The following ALDH1L1 variants were observed in gnomAD, a reference collection of about 807,000 sequenced individuals.
ALDH1L1 encodes aldehyde dehydrogenase 1 family member L1.
In ALDH1L1, 68 loss-of-function variants were observed where a neutral mutation model predicts 101.1. The ratio of observed to expected loss-of-function variants is 0.67; its 90% CI spans 0.55 to 0.82. The LOEUF (loss-of-function observed/expected upper bound fraction) is 0.82. Among genes scored for constraint, ALDH1L1 ranks in the 40% least tolerant of loss-of-function variants. ALDH1L1 has a pLI of 0.00. For missense variants in ALDH1L1, 1,087 were observed against 1,172.7 expected (o/e 0.93, Z 1.07); for synonymous variants, 486 against 470.8 (o/e 1.03, Z -0.42).
intron 2 of ALDH1L1, chr3:126,159,308 C>T (rs968006579): frequency 1.2e-5 from 5 of 403,708 alleles, no homozygotes; most frequent in Non-Finnish European, 2.0e-5. Context: ...AGCACACCCT[C>T]CTCACAGGTC....
chr3:126,135,303 G>A (rs1342135281), intron 12 of ALDH1L1: 1 of 444,664 alleles, frequency 2.2e-6, no homozygotes, highest in Non-Finnish European at 3.8e-6. Context: ...CACCTCCCCT[G>A]AGCCCACTCT....
At chr3:126,116,597 T>C (rs2108199915) in intron 17 of ALDH1L1, among the ~76,000 whole-genome samples, 1 of 152,256 alleles carries the variant, frequency 6.6e-6, no homozygotes, top group African/African-American at 2.4e-5. Context: ...AGCTAGCTTT[T>C]GAATTAGGAG....
chr3:126,108,365 C>T (rs966949544), intron 20 of ALDH1L1, among the ~76,000 whole-genome samples: 6 of 152,318 alleles, frequency 3.9e-5, no homozygotes, highest in East Asian at 1.9e-4. Flanking sequence ...CCCTCCAGGG[C>T]GGGGTGATGG....
At chr3:126,172,198 A>G (rs2081291319) in intron 1 of ALDH1L1, among the ~76,000 whole-genome samples, 1 of 152,244 alleles carries the variant, frequency 6.6e-6, no homozygotes, top group Admixed American at 6.5e-5. Flanking sequence ...AAGATATATA[A>G]AAGACAAAAA....
chr3:126,160,734 T>C, intron 2 of ALDH1L1, 119 bp downstream of exon 2: 1 of 1,463,792 alleles, frequency 6.8e-7, no homozygotes, highest in Non-Finnish European at 9.2e-7. Context: ...TATGGCTGCC[T>C]CCCAGCTAGA....
At chr3:126,162,509 C>T (rs1326858681) in intron 1 of ALDH1L1, among the ~76,000 whole-genome samples, 2 of 151,840 alleles carry the variant, frequency 1.3e-5, no homozygotes, top group East Asian at 3.9e-4. Flanking sequence ...TGTTTTTTTC[C>T]ATTGGGTGGT....
chr3:126,135,511 G>A (rs2080416906), intron 12 of ALDH1L1, 24 bp downstream of exon 12: 3 of 1,598,674 alleles, frequency 1.9e-6, no homozygotes, highest in East Asian at 2.3e-5. Context: ...GGCAGTGGCT[G>A]GCAGGTACAT....
chr3:126,159,010 C>A (rs1482432182), intron 2 of ALDH1L1, among the ~76,000 whole-genome samples: 1 of 152,192 alleles, frequency 6.6e-6, no homozygotes, highest in Non-Finnish European at 1.5e-5. Context: ...CTGCAGATGG[C>A]ATTTCTGCTT....
chr3:126,111,515 A>T (rs1168766770), intron 19 of ALDH1L1, among the ~76,000 whole-genome samples: 1 of 152,234 alleles, frequency 6.6e-6, no homozygotes, highest in African/African-American at 2.4e-5. Context: ...TGCTGCCCAC[A>T]GAAACATGAG....
Position 126,155,501 on chromosome 3 carries a change from C to T in ALDH1L1, c.531G>A (p.Val177=). 6.2e-7 allele frequency: 1 copy of T among 1,608,300 alleles called. No homozygotes were observed. Among genetic ancestry groups the T allele is most frequent in the South Asian group, 1.1e-5 (1 of 89,724 alleles). The change falls in exon 5 of 23, where the codon GTG becomes GTA. Residue 177 remains valine, a splice_region_variant and synonymous_variant. Coordinates refer to ENST00000393434, the MANE Select transcript of ALDH1L1 (RefSeq NM_012190.4). ...FLFPEGIKGM[V]QAVRLIAEGK... ...CCTCAGCGATCAGCCTCACGGCCTG[C>T]ACCTGGGGAGATCCAGTGGGTTGCT...
intron 16 of ALDH1L1, 92 bp from the exon 17 acceptor site, chr3:126,118,190 G>A (rs1239728868): frequency 3.9e-6 from 4 of 1,017,176 alleles, no homozygotes; most frequent in East Asian, 2.5e-5. Flanking sequence ...TTCACTGGGG[G>A]TCTGAGGCCC....
intron 3 of ALDH1L1, 112 bp from the exon 4 acceptor site, chr3:126,157,620 T>A: frequency 8.2e-7 from 1 of 1,215,540 alleles, no homozygotes; most frequent in Non-Finnish European, 1.2e-6. Flanking sequence ...TTCCCAGGGG[T>A]AGGACTGACA....
chr3:126,130,319 C>G, intron 13 of ALDH1L1, 26 bp from the exon 14 acceptor site: 1 of 1,581,036 alleles, frequency 6.3e-7, no homozygotes, highest in Non-Finnish European at 8.6e-7. Flanking sequence ...GGGCAGTCAC[C>G]CAGGGGCCCA....
chr3:126,187,355 T>G (rs2081526235), intron 1 of ALDH1L1, among the ~76,000 whole-genome samples: 1 of 150,734 alleles, frequency 6.6e-6, no homozygotes, highest in African/African-American at 2.4e-5. Context: ...GATGGATGGG[T>G]GGGTAGCTAG....
chr3:126,179,498 TCAAA>T (rs74555685), intron 1 of ALDH1L1, among the ~76,000 whole-genome samples: 104 of 151,738 alleles, frequency 6.9e-4, no homozygotes, highest in South Asian at 1.7e-3. Flanking sequence ...AGACTCTGTC[TCAAA>T]CAAACAAACA....
intron 20 of ALDH1L1, 35 bp downstream of exon 20, chr3:126,109,909 A>G (rs376051813): frequency 8.7e-6 from 14 of 1,608,732 alleles, no homozygotes; most frequent in African/African-American, 1.3e-5. Flanking sequence ...TGCTGCCTCA[A>G]TTGACCCAAG....
chr3:126,136,847 G>A lies in ALDH1L1; in HGVS notation c.1261C>T (p.Pro421Ser), dbSNP rs553712954. Residue 421 changes from proline to serine, a missense_variant, in exon 11 of 23, where the codon CCC becomes TCC. Pro to Ser is a moderately conservative substitution (Grantham distance 74, BLOSUM62 -1). Around this residue, in one of 2 missense-constraint regions of ALDH1L1, gnomAD observed 645 missense variants for 637.0 expected, o/e 1.01. Transcript: ENST00000393434. ...MAVNKRTVRM[P>S]HQLFIGGEFV... Reference sequence around the variant, plus strand: ...TCCCCCCCAATGAAGAGCTGGTGGGGCATGCGGACAGTGCGCTTGTTCACT... The same window carrying A: ...TCCCCCCCAATGAAGAGCTGGTGGGACATGCGGACAGTGCGCTTGTTCACT... The A allele has an allele frequency of 1.1e-5, 18 of 1,612,404 alleles. No individual in the cohort carries two copies. In the African/African-American group the frequency reaches 2.3e-4, roughly 20 times the overall value.
chr3:126,114,786 T>TC, intron 17 of ALDH1L1, 130 bp from the exon 18 acceptor site: 1 of 802,592 alleles, frequency 1.2e-6, no homozygotes, highest in Non-Finnish European at 2.1e-6. Flanking sequence ...GGCCAGTGCC[T>TC]CCCCACTCCC....
At chr3:126,140,979 A>G (rs1037649659) in intron 9 of ALDH1L1, among the ~76,000 whole-genome samples, 1 of 152,056 alleles carries the variant, frequency 6.6e-6, no homozygotes, top group East Asian at 1.9e-4. Flanking sequence ...TAATCTATTT[A>G]AAGTTTAAAC....
Sources: allele counts gnomAD v4.1 joint callset (sites outside exome capture counted in the v4.1 genomes callset), GRCh38; gene constraint gnomAD v4.1.1; regional missense constraint gnomAD v4.1.1; transcripts MANE v1.5; gene names NCBI Gene and HGNC (gene_info 2026-07-23, HGNC 2026-07-21).